Variants in TENM3 observed in about 807,000 individuals in gnomAD.
The protein encoded by TENM3 is teneurin transmembrane protein 3.
A neutral mutation model predicts 255.1 loss-of-function variants in TENM3; 63 were observed. That is an observed-to-expected ratio of 0.25 (90% confidence interval 0.20 to 0.30). TENM3 has a LOEUF of 0.30. TENM3 is among the 10% of genes least tolerant of loss of function. The pLI is 1.00. For missense variants in TENM3, 2,929 were observed against 3,461.1 expected, an observed-to-expected ratio of 0.85 and a Z score of 3.86; for synonymous variants, 1,306 against 1,322.3, an observed-to-expected ratio of 0.99 and a Z score of 0.27.
chr4:181,808,171 G>A, the TENM3 span, among the ~76,000 whole-genome samples: 2 of 152,202 alleles, frequency 1.3e-5, no homozygotes, highest in East Asian at 1.9e-4. Context: ...TCTAAACTGC[G>A]GCTGGTCATT....
chr4:181,535,877 G>A, the TENM3 span, among the ~76,000 whole-genome samples: 3 of 152,212 alleles, frequency 2.0e-5, no homozygotes, highest in East Asian at 5.8e-4. Context: ...TGGGGAGGGA[G>A]AAGTCTGTTT....
intron 3 of TENM3, among the ~76,000 whole-genome samples, chr4:182,401,018 A>G (rs1390720046): frequency 2.0e-5 from 3 of 152,224 alleles, no homozygotes; most frequent in Non-Finnish European, 4.4e-5. Flanking sequence ...TGACGGGCAG[A>G]TGGCTGTAGC....
At chr4:182,760,323 T>C (rs1161356308) in intron 22 of TENM3, among the ~76,000 whole-genome samples, 1 of 152,222 alleles carries the variant, frequency 6.6e-6, no homozygotes, top group Non-Finnish European at 1.5e-5. Context: ...AAACCGCGGT[T>C]CTTACACTCG....
intron 3 of TENM3, among the ~76,000 whole-genome samples, chr4:182,486,079 C>G (rs1433350569): frequency 6.6e-6 from 1 of 151,936 alleles, no homozygotes; most frequent in Non-Finnish European, 1.5e-5. Flanking sequence ...AAGACAGTGT[C>G]AGGGAGCTGC....
At chr4:181,542,722 G>T in the TENM3 span, among the ~76,000 whole-genome samples, 11,269 of 152,232 alleles carry the variant, frequency 0.074, 505 homozygotes, top group South Asian at 0.15. Flanking sequence ...AACAGCAGAA[G>T]AATTCATTCA....
chr4:181,773,285 T>C, the TENM3 span, among the ~76,000 whole-genome samples: 2 of 152,120 alleles, frequency 1.3e-5, no homozygotes, highest in Non-Finnish European at 2.9e-5. Flanking sequence ...CCAAAATCAG[T>C]CATGGAACTC....
rs117133018 is a variant in TENM3, at chr4:182,632,956, A to G, written c.988+4067A>G. Among the ~76,000 whole-genome samples, 29 of 152,066 alleles carry G rather than the reference A, an allele frequency of 1.9e-4. No homozygotes were observed. The East Asian group carries it at 5.2e-3, about 27-fold the overall frequency. On this transcript the variant is annotated intron_variant, in intron 5 of 27. Coordinates refer to ENST00000511685, the MANE Select transcript of TENM3 (RefSeq NM_001080477.4). Reference sequence around the variant, plus strand: ...TATATTTTTATTTTTTCAAGGCAAGATCTCACTCTGTCTCACAGGCTGGAG... The same window carrying G: ...TATATTTTTATTTTTTCAAGGCAAGGTCTCACTCTGTCTCACAGGCTGGAG...
chr4:181,739,368 T>C, the TENM3 span, among the ~76,000 whole-genome samples: 1 of 152,230 alleles, frequency 6.6e-6, no homozygotes, highest in East Asian at 1.9e-4. Flanking sequence ...CCCCTTGTAT[T>C]GTCTGGAAGA....
At chr4:182,069,920 C>T in the TENM3 span, among the ~76,000 whole-genome samples, 1 of 152,148 alleles carries the variant, frequency 6.6e-6, no homozygotes, top group Non-Finnish European at 1.5e-5. Context: ...AATACTACAG[C>T]ATGATATTTA....
intron 22 of TENM3, among the ~76,000 whole-genome samples, chr4:182,768,211 C>G (rs981493844): frequency 4.6e-5 from 7 of 152,160 alleles, no homozygotes; most frequent in African/African-American, 1.7e-4. Context: ...GTACTTTTCT[C>G]AAAAGCAGAA....
chr4:182,683,103 G>A (rs1295073086), intron 11 of TENM3, among the ~76,000 whole-genome samples: 3 of 152,108 alleles, frequency 2.0e-5, no homozygotes, highest in Admixed American at 6.5e-5. Flanking sequence ...TAAGAGCATG[G>A]ACTGTGAAAT....
chr4:181,885,094 T>C, the TENM3 span, among the ~76,000 whole-genome samples: 1 of 152,248 alleles, frequency 6.6e-6, no homozygotes, highest in Non-Finnish European at 1.5e-5. Context: ...TATTTTCACA[T>C]TGCTTTTTGT....
chr4:182,602,782 C>T (rs1404522841), intron 4 of TENM3, among the ~76,000 whole-genome samples: 2 of 152,038 alleles, frequency 1.3e-5, no homozygotes, highest in African/African-American at 2.4e-5. Context: ...AATTAGCACA[C>T]ACTGAACAGC....
chr4:182,563,420 C>A (rs1743427894), intron 3 of TENM3, among the ~76,000 whole-genome samples: 1 of 151,746 alleles, frequency 6.6e-6, no homozygotes, highest in Non-Finnish European at 1.5e-5. Flanking sequence ...GGTGACAGAG[C>A]AAGACTCCAT....
the TENM3 span, among the ~76,000 whole-genome samples, chr4:181,476,467 T>G: frequency 6.6e-6 from 1 of 152,138 alleles, no homozygotes; most frequent in African/African-American, 2.4e-5. Flanking sequence ...GATAAATATT[T>G]TCAATGAGCG....
At chr4:182,415,580 TA>T (rs1376071018) in intron 3 of TENM3, among the ~76,000 whole-genome samples, 4 of 152,124 alleles carry the variant, frequency 2.6e-5, no homozygotes, top group Non-Finnish European at 5.9e-5. Context: ...AAAATTGCAT[TA>T]AAAATTTTAA....
At chr4:181,529,838 C>G in the TENM3 span, among the ~76,000 whole-genome samples, 3 of 152,154 alleles carry the variant, frequency 2.0e-5, no homozygotes, top group African/African-American at 7.2e-5. Flanking sequence ...TTGAATTAAG[C>G]AGAATTGGAC....
chr4:182,098,955 C>T, the TENM3 span, among the ~76,000 whole-genome samples: 2 of 133,838 alleles, frequency 1.5e-5, no homozygotes, highest in African/African-American at 5.7e-5. Context: ...GTGCACAACT[C>T]TTTTTTTCTT....
intron 19 of TENM3, among the ~76,000 whole-genome samples, chr4:182,750,371 A>G (rs1324444262): frequency 6.6e-6 from 1 of 152,014 alleles, no homozygotes; most frequent in Non-Finnish European, 1.5e-5. Context: ...TTCTCTGTAT[A>G]CTAACATCAC....
Sources: gnomAD v4.1 joint callset for allele counts (sites outside exome capture counted in the v4.1 genomes callset) on GRCh38, gnomAD v4.1.1 for gene constraint, MANE v1.5 for transcripts, NCBI Gene and HGNC (gene_info 2026-07-23, HGNC 2026-07-21) for gene names.